Variants in SPAG16 observed in about 807,000 individuals in gnomAD.
The protein encoded by SPAG16 is sperm associated antigen 16.
A neutral mutation model predicts 80.4 loss-of-function variants in SPAG16; 86 were observed. The observed-to-expected ratio is 1.07, with a 90% CI of 0.90 to 1.28. The LOEUF is 1.28. Among genes scored for constraint, SPAG16 ranks in the 50% most tolerant of loss-of-function variants. SPAG16 has a pLI of 0.00. For synonymous variants in SPAG16, 294 were observed against 265.9 expected, an observed-to-expected ratio of 1.11 and a Z score of -1.03; for missense variants, 870 against 765.3, an observed-to-expected ratio of 1.14 and a Z score of -1.61.
intron 12 of SPAG16, among the ~76,000 whole-genome samples, chr2:213,945,275 A>T (rs1267025900): frequency 6.8e-6 from 1 of 147,862 alleles, no homozygotes; most frequent in East Asian, 2.0e-4. Context: ...GTATATATAT[A>T]TACACAAACA....
intron 8 of SPAG16, among the ~76,000 whole-genome samples, chr2:213,369,429 G>A (rs2066509742): frequency 6.6e-6 from 1 of 152,170 alleles, no homozygotes; most frequent in Non-Finnish European, 1.5e-5. Flanking sequence ...AAAATAAATT[G>A]AGGTGTGGTG....
intron 3 of SPAG16, among the ~76,000 whole-genome samples, chr2:213,297,833 A>G (rs2062573521): frequency 6.6e-6 from 1 of 152,166 alleles, no homozygotes; most frequent in South Asian, 2.1e-4. Flanking sequence ...ACAATGAACT[A>G]AAAGTGCATA....
At chr2:213,834,717 C>T (rs1297409726) in intron 10 of SPAG16, among the ~76,000 whole-genome samples, 1 of 152,108 alleles carries the variant, frequency 6.6e-6, no homozygotes, top group Non-Finnish European at 1.5e-5. Flanking sequence ...AACCTTGCTT[C>T]TTAGGCCCTC....
At chr2:214,233,456 A>G (rs1688850498) in intron 15 of SPAG16, among the ~76,000 whole-genome samples, 1 of 151,988 alleles carries the variant, frequency 6.6e-6, no homozygotes, top group African/African-American at 2.4e-5. Flanking sequence ...AAACTAGGAT[A>G]TTTGATCTAT....
At chr2:214,204,007 A>G (rs12471556) in intron 15 of SPAG16, among the ~76,000 whole-genome samples, 1 of 152,118 alleles carries the variant, frequency 6.6e-6, no homozygotes, top group Non-Finnish European at 1.5e-5. Context: ...TGGGAGTGAG[A>G]CCAGCCTTTT....
At chr2:213,350,004 T>C (rs2065237553) in intron 6 of SPAG16, among the ~76,000 whole-genome samples, 1 of 152,244 alleles carries the variant, frequency 6.6e-6, no homozygotes. Flanking sequence ...ATAAAACAGA[T>C]TTTTTAAAGG....
intron 9 of SPAG16, among the ~76,000 whole-genome samples, chr2:213,469,785 T>A (rs190739764): frequency 6.6e-6 from 1 of 152,034 alleles, no homozygotes; most frequent in Admixed American, 6.6e-5. Context: ...GTAGACTGAT[T>A]TCATCTTGAT....
intron 10 of SPAG16, among the ~76,000 whole-genome samples, chr2:213,498,313 G>A (rs959253331): frequency 6.6e-5 from 10 of 151,978 alleles, no homozygotes; most frequent in African/African-American, 2.4e-4. Flanking sequence ...TCCCATAATT[G>A]ACTTACTTAT....
intron 10 of SPAG16, among the ~76,000 whole-genome samples, chr2:213,536,719 C>G (rs1436903776): frequency 2.0e-5 from 3 of 151,984 alleles, no homozygotes; most frequent in African/African-American, 7.2e-5. Context: ...ATTGTAGATT[C>G]TGGATATTAG....
chr2:213,968,551 T>C (rs1345425314), intron 12 of SPAG16, among the ~76,000 whole-genome samples: 1 of 152,214 alleles, frequency 6.6e-6, no homozygotes, highest in Non-Finnish European at 1.5e-5. Context: ...GAAGAATTCA[T>C]TGGGCTTAGA....
chr2:213,313,077 C>G (rs1200406182), intron 4 of SPAG16, among the ~76,000 whole-genome samples: 1 of 151,688 alleles, frequency 6.6e-6, no homozygotes, highest in East Asian at 1.9e-4. Context: ...GTTATATGTC[C>G]CATAAGAATA....
chr2:213,650,615 A>G (rs918884219), intron 10 of SPAG16, among the ~76,000 whole-genome samples: 5 of 152,164 alleles, frequency 3.3e-5, no homozygotes, highest in African/African-American at 1.2e-4. Flanking sequence ...GGAAGAAAAA[A>G]CTATTGTAGT....
chr2:214,041,240 C>T (rs1372341536), intron 13 of SPAG16, among the ~76,000 whole-genome samples: 1 of 151,578 alleles, frequency 6.6e-6, no homozygotes, highest in Admixed American at 6.6e-5. Flanking sequence ...TTGCTCCATA[C>T]CTCAAAGTGT....
chr2:213,813,769 G>A (rs895717973), intron 10 of SPAG16, among the ~76,000 whole-genome samples: 9 of 152,012 alleles, frequency 5.9e-5, no homozygotes, highest in Non-Finnish European at 1.2e-4. Context: ...TATGCAAATG[G>A]ACTCCCATGA....
chr2:213,320,953 T>C (rs1258885771), intron 5 of SPAG16, among the ~76,000 whole-genome samples: 4 of 152,112 alleles, frequency 2.6e-5, no homozygotes, highest in African/African-American at 9.6e-5. Context: ...ATCATCTAGG[T>C]TTTTCAATTT....
intron 10 of SPAG16, among the ~76,000 whole-genome samples, chr2:213,825,701 C>CTTTTTTTTTTTT (rs55777958): frequency 8.4e-4 from 92 of 109,744 alleles, no homozygotes; most frequent in African/African-American, 1.7e-3. Flanking sequence ...TTCTTTCTTT[C>CTTTTTTTTTTTT]TTTTTTTTTT....
intron 10 of SPAG16, among the ~76,000 whole-genome samples, chr2:213,496,842 ATAAT>A (rs1302649144): frequency 6.6e-6 from 1 of 151,278 alleles, no homozygotes; most frequent in Non-Finnish European, 1.5e-5. Context: ...TATTTTGAAA[ATAAT>A]TATAGATATG....
At chr2:213,403,129 G>T (rs991833760) in intron 9 of SPAG16, among the ~76,000 whole-genome samples, 8 of 152,078 alleles carry the variant, frequency 5.3e-5, no homozygotes, top group Non-Finnish European at 1.0e-4. Context: ...TCTAACTGGT[G>T]TGAGATGGTA....
At chr2:214,186,449 T>A (rs943382465) in intron 15 of SPAG16, among the ~76,000 whole-genome samples, 1 of 151,256 alleles carries the variant, frequency 6.6e-6, no homozygotes, top group Non-Finnish European at 1.5e-5. Context: ...GAATGAGGAG[T>A]GAAGATGATG....
Sources: gnomAD v4.1 joint callset for allele counts (sites outside exome capture counted in the v4.1 genomes callset) on GRCh38, gnomAD v4.1.1 for gene constraint, MANE v1.5 for transcripts, NCBI Gene and HGNC (gene_info 2026-07-23, HGNC 2026-07-21) for gene names.